PPFIBP2: variants seen among roughly 807,000 people sequenced by gnomAD.
PPFIBP2 encodes the protein liprin-beta-2.
In PPFIBP2, 118 loss-of-function variants were observed where a neutral mutation model predicts 118.3. The observed-to-expected ratio is 1.00, with a 90% CI of 0.86 to 1.16. PPFIBP2 has a LOEUF of 1.16. Ranked by LOEUF, PPFIBP2 falls within the 50% of genes most tolerant of loss-of-function variation. PPFIBP2 has a pLI of 0.00. For synonymous variants in PPFIBP2, 414 were observed against 397.4 expected, an observed-to-expected ratio of 1.04 and a Z score of -0.50; for missense variants, 1,195 against 1,073.1, an observed-to-expected ratio of 1.11 and a Z score of -1.59.
At chr11:7,557,902 G>A (rs1215295343) in intron 2 of PPFIBP2, among the ~76,000 whole-genome samples, 3 of 151,964 alleles carry the variant, frequency 2.0e-5, no homozygotes, top group Non-Finnish European at 4.4e-5. Flanking sequence ...ATCCTTACTT[G>A]GAATTTGTTT....
chr11:7,642,140 G>A, intron 16 of PPFIBP2, 158 bp from the exon 17 acceptor site: 1 of 837,984 alleles, frequency 1.2e-6, no homozygotes, highest in East Asian at 2.6e-5. Context: ...CCAAGGAGCT[G>A]CGACAGGTTG....
chr11:7,520,329 G>T (rs1226081666), intron 1 of PPFIBP2, among the ~76,000 whole-genome samples: 7 of 152,120 alleles, frequency 4.6e-5, no homozygotes, highest in Middle Eastern at 6.8e-3. Flanking sequence ...GTTGGGGTGG[G>T]TATTTTCCGG....
chr11:7,663,305 G>A, the PPFIBP2 span, among the ~76,000 whole-genome samples: 1 of 149,414 alleles, frequency 6.7e-6, no homozygotes, highest in African/African-American at 2.4e-5. Context: ...TTTGATGATG[G>A]TGATGTACAG....
At chr11:7,560,056 C>A (rs1854121226) in intron 2 of PPFIBP2, among the ~76,000 whole-genome samples, 2 of 152,176 alleles carry the variant, frequency 1.3e-5, no homozygotes, top group South Asian at 4.1e-4. Context: ...GGCTAGCTTA[C>A]CAAGAGGCCT....
intron 17 of PPFIBP2, among the ~76,000 whole-genome samples, chr11:7,646,798 C>CA (rs1330753401): frequency 6.6e-6 from 1 of 151,970 alleles, no homozygotes; most frequent in African/African-American, 2.4e-5. Flanking sequence ...TACCCTGTCT[C>CA]AAAAAAGAAT....
chr11:7,578,689 C>G (rs1050443362), intron 3 of PPFIBP2, among the ~76,000 whole-genome samples: 1 of 152,124 alleles, frequency 6.6e-6, no homozygotes, highest in African/African-American at 2.4e-5. Flanking sequence ...GAACAGAAGA[C>G]ACGGGACTGC....
chr11:7,568,082 G>A (rs1855212850), intron 3 of PPFIBP2, among the ~76,000 whole-genome samples: 1 of 152,190 alleles, frequency 6.6e-6, no homozygotes, highest in Non-Finnish European at 1.5e-5. Flanking sequence ...CTTCTCCTCT[G>A]TAGACACATT....
intron 11 of PPFIBP2, among the ~76,000 whole-genome samples, chr11:7,631,789 A>G (rs1850793354): frequency 6.6e-6 from 1 of 152,320 alleles, no homozygotes; most frequent in South Asian, 2.1e-4. Flanking sequence ...ATTGCTGGCA[A>G]TTACAGAATA....
chr11:7,598,906 G>T (rs1012595939), intron 5 of PPFIBP2, among the ~76,000 whole-genome samples: 6 of 152,262 alleles, frequency 3.9e-5, no homozygotes, highest in Admixed American at 1.3e-4. Context: ...TTATACAAAT[G>T]TAAGTCAGTG....
chr11:7,643,113 T>A (rs1487070422), intron 17 of PPFIBP2, among the ~76,000 whole-genome samples: 1 of 152,168 alleles, frequency 6.6e-6, no homozygotes, highest in African/African-American at 2.4e-5. Context: ...TCTAAGTAAG[T>A]CAGAGACCAA....
At chr11:7,599,605 T>G (rs1861026819) in intron 5 of PPFIBP2, among the ~76,000 whole-genome samples, 1 of 152,016 alleles carries the variant, frequency 6.6e-6, no homozygotes. Context: ...ATTTTAGACT[T>G]TTTTAAAGTC....
intron 3 of PPFIBP2, among the ~76,000 whole-genome samples, chr11:7,586,965 AT>A (rs1013413993): frequency 7.9e-5 from 12 of 151,988 alleles, no homozygotes; most frequent in Non-Finnish European, 2.9e-5. Context: ...TTTCTGATTC[AT>A]TTTCTGATAA....
intron 6 of PPFIBP2, among the ~76,000 whole-genome samples, chr11:7,613,743 C>T (rs1284115054): frequency 6.6e-6 from 1 of 152,154 alleles, no homozygotes; most frequent in African/African-American, 2.4e-5. Flanking sequence ...CTGGCTTCTC[C>T]ATGCTGTGGA....
chr11:7,639,612 C>G lies in PPFIBP2; in HGVS notation c.1237-120C>G. ...AGCTAAATAATCTTTGAGGGGTGTT[C>G]AAGTCACCATATGTGAAAAATGGCT... On this transcript the variant is annotated intron_variant, in intron 14 of 23. Transcript: ENST00000299492. 3.1e-6 allele frequency: 4 copies of G among 1,290,568 alleles called. No individual in the cohort carries two copies. The East Asian group carries it at 9.4e-5, about 30-fold the overall frequency. The allele number at this position is 1,290,568 out of a possible 1,614,324, so 79.9% of individuals were successfully genotyped here.
At chr11:7,606,071 T>A in intron 5 of PPFIBP2, 1 of 1,510,126 alleles carries the variant, frequency 6.6e-7, no homozygotes, top group Non-Finnish European at 8.8e-7. Flanking sequence ...GGTTGGTTCC[T>A]TCGGTTTGGG....
At chr11:7,655,495 T>C (rs138032934), downstream of PPFIBP2, 1,043 of 1,289,760 alleles carry the variant, frequency 8.1e-4, 2 homozygotes, top group Non-Finnish European at 9.2e-4. Flanking sequence ...TTCACCGCCT[T>C]ACGGTAGGAC....
intron 1 of PPFIBP2, among the ~76,000 whole-genome samples, chr11:7,520,867 T>C (rs575400575): frequency 6.6e-6 from 1 of 152,334 alleles, no homozygotes; most frequent in South Asian, 2.1e-4. Flanking sequence ...ATGGAATCTA[T>C]GTAGTTCTAG....
chr11:7,568,456 T>C (rs1855260555), intron 3 of PPFIBP2, among the ~76,000 whole-genome samples: 1 of 152,294 alleles, frequency 6.6e-6, no homozygotes, highest in East Asian at 1.9e-4. Context: ...TTCTTTAGTA[T>C]GTTTTTGTTG....
intron 1 of PPFIBP2, among the ~76,000 whole-genome samples, chr11:7,532,260 C>T (rs752403309): frequency 6.6e-6 from 1 of 152,162 alleles, no homozygotes; most frequent in Non-Finnish European, 1.5e-5. Flanking sequence ...TAGGGCCCAC[C>T]CTAATTATCT....
Sources: allele counts gnomAD v4.1 joint callset (sites outside exome capture counted in the v4.1 genomes callset), GRCh38; gene constraint gnomAD v4.1.1; transcripts MANE v1.5; gene names NCBI Gene and HGNC (gene_info 2026-07-23, HGNC 2026-07-21).